Variants in BNC2 observed in about 807,000 individuals in gnomAD.
The protein encoded by BNC2 is zinc finger protein basonuclin-2.
In BNC2, 20 loss-of-function variants were observed where a neutral mutation model predicts 76.3. The ratio of observed to expected loss-of-function variants is 0.26; its 90% CI spans 0.18 to 0.38. BNC2 has a LOEUF of 0.38. Among genes scored for constraint, BNC2 ranks in the 10% least tolerant of loss-of-function variants. BNC2 has a pLI of 1.00. For synonymous variants in BNC2, 582 were observed against 514.8 expected (o/e 1.13, Z -1.77); for missense variants, 1,382 against 1,399.8 (o/e 0.99, Z 0.20).
rs1818806643 is a variant in BNC2 at position 16,840,830 on chromosome 9, T to C, written c.3+29816A>G. ...CTCATCAGAGAAGGGTTACCACATG[T>C]ATGCACTCAGATTGGAAAATATCTT... On this transcript the variant is annotated intron_variant, in intron 1 of 6. Transcript: ENST00000380672. 3.3e-5 allele frequency among the ~76,000 whole-genome samples: 5 copies of C among 152,328 alleles called. 1 individual carries two copies. In the South Asian group the frequency reaches 1.0e-3, roughly 32 times the overall value.
At chr9:16,786,172 G>A (rs1446894464) in intron 1 of BNC2, among the ~76,000 whole-genome samples, 1 of 152,212 alleles carries the variant, frequency 6.6e-6, no homozygotes, top group Non-Finnish European at 1.5e-5. Flanking sequence ...TACAAAGAAA[G>A]TGTGCGCTAG....
At chr9:16,518,578 A>T (rs71476250) in intron 5 of BNC2, among the ~76,000 whole-genome samples, 687 of 60,632 alleles carry the variant, frequency 0.011, 6 homozygotes, top group South Asian at 0.032. Context: ...ATATATATAT[A>T]TTTTTTGTTG....
At chr9:16,673,439 A>ACAC (rs1554704976) in intron 3 of BNC2, among the ~76,000 whole-genome samples, 12 of 144,834 alleles carry the variant, frequency 8.3e-5, no homozygotes, top group African/African-American at 2.9e-4. Context: ...TTAAAAAAAA[A>ACAC]AAAAACACAC....
chr9:16,820,013 T>C (rs1400609322), intron 1 of BNC2, among the ~76,000 whole-genome samples: 2 of 148,890 alleles, frequency 1.3e-5, no homozygotes, highest in African/African-American at 5.0e-5. Flanking sequence ...TAATCCCAGC[T>C]ACTCAGGAGG....
In BNC2 at chr9:16,728,015, A is replaced by AT. The variant is rs1240294853; in HGVS notation, c.130-19dup. 2 of 1,565,586 alleles carry AT rather than the reference A, an allele frequency of 1.3e-6. No individual in the cohort carries two copies. Among genetic ancestry groups the AT allele is most frequent in the Non-Finnish European group, 1.7e-6 (2 of 1,153,832 alleles). On this transcript the variant is annotated intron_variant, in intron 2 of 6. Transcript: ENST00000380672. ...TCTTCTGACTGAAAAGTGAAGGTGG[A>AT]TTTTTTGAGCCTCTTGGCAGCCAGT...
chr9:16,716,516 C>A (rs1018495419), intron 3 of BNC2, among the ~76,000 whole-genome samples: 1 of 152,080 alleles, frequency 6.6e-6, no homozygotes, highest in East Asian at 1.9e-4. Flanking sequence ...TATTCCCAAT[C>A]AATCACAACG....
chr9:16,507,596 T>G (rs1822658977), intron 5 of BNC2, among the ~76,000 whole-genome samples: 1 of 152,132 alleles, frequency 6.6e-6, no homozygotes, highest in African/African-American at 2.4e-5. Flanking sequence ...GCCTGGCTAA[T>G]TTTTGTATTT....
intron 3 of BNC2, among the ~76,000 whole-genome samples, chr9:16,690,323 G>C (rs1823119707): frequency 6.6e-6 from 1 of 152,070 alleles, no homozygotes; most frequent in South Asian, 2.1e-4. Context: ...AATAATGAAA[G>C]AAAAATTAGC....
At chr9:16,611,148 A>G (rs1725922093) in intron 3 of BNC2, among the ~76,000 whole-genome samples, 1 of 152,204 alleles carries the variant, frequency 6.6e-6, no homozygotes, top group Non-Finnish European at 1.5e-5. Flanking sequence ...AATATGTACA[A>G]TATGTCTGTG....
chr9:16,725,221 A>T (rs1337401), intron 3 of BNC2, among the ~76,000 whole-genome samples: 2,486 of 59,828 alleles, frequency 0.042, 27 homozygotes, highest in Non-Finnish European at 0.054. Flanking sequence ...TCTCTCTCAC[A>T]CACACACACA....
chr9:16,615,306 A>G (rs1247962420), intron 3 of BNC2, among the ~76,000 whole-genome samples: 2 of 152,214 alleles, frequency 1.3e-5, no homozygotes, highest in African/African-American at 2.4e-5. Context: ...ATTAATGTTG[A>G]TGGAGCTCAG....
At chr9:16,785,120 C>A (rs773972177) in intron 1 of BNC2, among the ~76,000 whole-genome samples, 1 of 152,152 alleles carries the variant, frequency 6.6e-6, no homozygotes, top group Non-Finnish European at 1.5e-5. Flanking sequence ...TAGAAAAGAA[C>A]GGGAACTTTA....
chr9:16,657,314 T>C (rs1357559208), intron 3 of BNC2, among the ~76,000 whole-genome samples: 1 of 151,982 alleles, frequency 6.6e-6, no homozygotes, highest in Non-Finnish European at 1.5e-5. Flanking sequence ...ACTGGAACAA[T>C]GAAGAGTTAG....
In BNC2 at chr9:16,490,373, G is replaced by A. The variant is rs982426436; in HGVS notation, c.670-52849C>T. Among the ~76,000 whole-genome samples the A allele has an allele frequency of 4.6e-5, 7 of 152,018 alleles. 1 individual carries two copies. Among genetic ancestry groups the A allele is most frequent in the Admixed American group, 4.6e-4 (7 of 15,264 alleles). On this transcript the variant is annotated intron_variant, in intron 5 of 6. Transcript: ENST00000380672. The stretch of plus-strand genomic sequence containing the variant: ...CAAGAGAAGAGCAAGGGAACGACCA[G>A]CCCCCATGATTCAATTACCTCCCCC...
chr9:16,744,235 C>T (rs766156144), intron 1 of BNC2, among the ~76,000 whole-genome samples: 8 of 152,162 alleles, frequency 5.3e-5, no homozygotes, highest in Admixed American at 2.6e-4. Context: ...TCCCAAAGTG[C>T]TGGGATTACA....
At position 16,552,581 on chromosome 9, in the gene BNC2, C is replaced by T. The variant is rs761706116; in HGVS notation, c.618G>A (p.Leu206=). 1.2e-6 allele frequency: 2 copies of T among 1,614,226 alleles called. No individual in the cohort carries two copies. Among genetic ancestry groups the T allele is most frequent in the East Asian group, 4.5e-5 (2 of 44,882 alleles). The change falls in exon 5 of 7, where the codon CTG becomes CTA. Residue 206 remains leucine, a synonymous_variant. Coordinates refer to ENST00000380672, the MANE Select transcript of BNC2 (RefSeq NM_017637.6). ...CCCGCAGAGTCCAGCCAAGGCCGTG[C>T]AGTATGTGCAGTACCTCCTCTTGCT... The part of the protein sequence containing the change: ...VLKQEEVLHI[L]HGLGWTLRDY...
intron 4 of BNC2, among the ~76,000 whole-genome samples, chr9:16,580,936 G>C (rs966823077): frequency 1.3e-5 from 2 of 152,142 alleles, no homozygotes; most frequent in Admixed American, 1.3e-4. Flanking sequence ...CATGTCATGA[G>C]GTGACAGAGC....
intron 1 of BNC2, among the ~76,000 whole-genome samples, chr9:16,832,541 A>T (rs1818600367): frequency 6.6e-6 from 1 of 152,194 alleles, no homozygotes; most frequent in Non-Finnish European, 1.5e-5. Flanking sequence ...GAATCAACGA[A>T]TCCGAACCCA....
chr9:16,809,432 G>A (rs904258563), intron 1 of BNC2, among the ~76,000 whole-genome samples: 5 of 152,060 alleles, frequency 3.3e-5, no homozygotes, highest in African/African-American at 1.2e-4. Flanking sequence ...CTGGGATGAG[G>A]AGCAAGAACT....
Sources: allele counts gnomAD v4.1 joint callset (sites outside exome capture counted in the v4.1 genomes callset), GRCh38; gene constraint gnomAD v4.1.1; transcripts MANE v1.5; gene names NCBI Gene and HGNC (gene_info 2026-07-23, HGNC 2026-07-21).